Variants in FMN1 observed in about 807,000 individuals in gnomAD.
FMN1 encodes the protein formin 1.
FMN1 carries 110 observed loss-of-function variants against 132.4 expected under a neutral mutation model. That is an observed-to-expected ratio of 0.83 (90% CI 0.71 to 0.97). FMN1 has a LOEUF of 0.97. FMN1 is among the 50% of genes least tolerant of loss of function. The probability of loss-of-function intolerance (pLI) is 0.00; values close to 1 mark genes in which losing one functional copy is unlikely to be tolerated. For synonymous variants in FMN1, 722 were observed against 651.7 expected (o/e 1.11, Z -1.64); for missense variants, 1,792 against 1,705.3 (o/e 1.05, Z -0.90).
In FMN1 at chr15:33,039,440, A is replaced by T. The variant is rs1189687130; in HGVS notation, c.2161+25517T>A. ...TATGATAATTACTTGTTAAAAACAT[A>T]ATAGGTTATTGAGGAAACTTATTTT... On this transcript the variant is annotated intron_variant, in intron 6 of 20. Coordinates refer to ENST00000616417, the MANE Select transcript of FMN1 (RefSeq NM_001277313.2). 2.6e-5 allele frequency among the ~76,000 whole-genome samples: 4 copies of T among 152,204 alleles called. No homozygotes were observed. The East Asian group carries it at 7.7e-4, about 29-fold the overall frequency.
chr15:33,106,483 C>T (rs1413692131), intron 4 of FMN1, among the ~76,000 whole-genome samples: 1 of 151,944 alleles, frequency 6.6e-6, no homozygotes, highest in East Asian at 1.9e-4. Flanking sequence ...GATATATCCC[C>T]AAATTTTCAT....
chr15:33,121,806 T>C (rs775114626), intron 4 of FMN1, among the ~76,000 whole-genome samples: 1 of 152,170 alleles, frequency 6.6e-6, no homozygotes, highest in African/African-American at 2.4e-5. Flanking sequence ...GCTAGGATTA[T>C]AGGCGTGAGC....
At chr15:33,107,508 C>T (rs552476482) in intron 4 of FMN1, among the ~76,000 whole-genome samples, 1 of 151,930 alleles carries the variant, frequency 6.6e-6, no homozygotes, top group Admixed American at 6.6e-5. Flanking sequence ...CTCTCCCTTA[C>T]TTCATTCCAG....
chr15:33,060,875 G>A (rs188977675), intron 6 of FMN1, among the ~76,000 whole-genome samples: 4 of 152,096 alleles, frequency 2.6e-5, no homozygotes, highest in East Asian at 1.9e-4. Context: ...TTTTAATTCC[G>A]AAAACATTAA....
chr15:32,867,831 C>T (rs1433375051), intron 16 of FMN1, among the ~76,000 whole-genome samples: 1 of 152,138 alleles, frequency 6.6e-6, no homozygotes, highest in Non-Finnish European at 1.5e-5. Flanking sequence ...TGATGAGAGA[C>T]CCTCTGTTAC....
At chr15:32,859,275 G>A (rs2059209427) in intron 16 of FMN1, among the ~76,000 whole-genome samples, 1 of 152,090 alleles carries the variant, frequency 6.6e-6, no homozygotes, top group African/African-American at 2.4e-5. Flanking sequence ...ACTATTAATG[G>A]GTTCTCATCA....
intron 19 of FMN1, among the ~76,000 whole-genome samples, chr15:32,782,344 T>A (rs2056692640): frequency 6.6e-6 from 1 of 152,232 alleles, no homozygotes; most frequent in Non-Finnish European, 1.5e-5. Flanking sequence ...AAATGTTTAG[T>A]AAATAGTTAT....
intron 8 of FMN1, among the ~76,000 whole-genome samples, chr15:32,967,213 C>G (rs1343261888): frequency 6.6e-6 from 1 of 152,238 alleles, no homozygotes; most frequent in African/African-American, 2.4e-5. Context: ...CAATGATTGT[C>G]TCCAGCTTTC....
rs116366712 is a variant in FMN1, at chr15:33,073,690, G to A, written c.2044-8616C>T. Among the ~76,000 whole-genome samples the A allele has an allele frequency of 3.4e-3, 510 of 151,934 alleles. 6 individuals carry two copies. The highest frequency in any genetic ancestry group is 0.011 in the African/African-American group (473 of 41,426). ...TTTGGGTAGAATCCAGTTGTTGTAA[G>A]GTTGAATGGGACCTTAGAAATAGTA... On this transcript the variant is annotated intron_variant, in intron 5 of 20. Transcript: ENST00000616417.
rs773468293 is a variant in FMN1 at position 33,064,953 on chromosome 15, T to A, written c.2161+4A>T. 6.2e-7 allele frequency: 1 copy of A among 1,600,422 alleles called. No individual in the cohort carries two copies. ...CCCGGGTCCCTAGCTTCCTTTCACA[T>A]TACCTGCTTCAGTGTACTTCAGTCC... On this transcript the variant is annotated splice_donor_region_variant and intron_variant, in intron 6 of 20. Transcript: ENST00000616417.
chr15:32,844,223 G>T (rs1249995405), intron 17 of FMN1, among the ~76,000 whole-genome samples: 1 of 152,170 alleles, frequency 6.6e-6, no homozygotes, highest in Non-Finnish European at 1.5e-5. Flanking sequence ...CATTAAAGTT[G>T]TTAATTATAG....
At chr15:32,899,821 G>A in intron 14 of FMN1, 158 bp downstream of exon 14, 2 of 731,126 alleles carry the variant, frequency 2.7e-6, no homozygotes, top group Non-Finnish European at 4.5e-6. Flanking sequence ...TTATTCGAAA[G>A]TGAAAAGAAA....
At chr15:32,821,288 C>T (rs1442184654) in intron 17 of FMN1, among the ~76,000 whole-genome samples, 1 of 151,622 alleles carries the variant, frequency 6.6e-6, no homozygotes, top group Non-Finnish European at 1.5e-5. Flanking sequence ...TAGATTAATC[C>T]TCATATTTAT....
At chr15:32,862,796 C>T (rs750560604) in intron 16 of FMN1, among the ~76,000 whole-genome samples, 52 of 152,280 alleles carry the variant, frequency 3.4e-4, no homozygotes, top group Non-Finnish European at 6.6e-4. Context: ...GACCTGTGGG[C>T]TTAGTTAAGT....
At chr15:33,124,642 ATC>A (rs1022102587) in intron 4 of FMN1, among the ~76,000 whole-genome samples, 2 of 152,132 alleles carry the variant, frequency 1.3e-5, no homozygotes, top group Non-Finnish European at 2.9e-5. Context: ...GTATCTAATA[ATC>A]TGTGTTCTTT....
chr15:32,905,758 A>T (rs1422753532), intron 12 of FMN1, among the ~76,000 whole-genome samples: 2 of 152,252 alleles, frequency 1.3e-5, no homozygotes, highest in Non-Finnish European at 2.9e-5. Flanking sequence ...CCAGTATGTA[A>T]AACATGCTTA....
intron 5 of FMN1, among the ~76,000 whole-genome samples, chr15:33,086,166 G>T (rs1451598680): frequency 6.6e-6 from 1 of 151,310 alleles, no homozygotes; most frequent in Non-Finnish European, 1.5e-5. Context: ...CAGGAGAATC[G>T]CTTAAACCCA....
chr15:32,832,480 T>G (rs1477872542), intron 17 of FMN1, among the ~76,000 whole-genome samples: 1 of 152,020 alleles, frequency 6.6e-6, no homozygotes, highest in African/African-American at 2.4e-5. Context: ...ATGCTGTGAG[T>G]ATTTTCAAGG....
chr15:32,848,660 T>G (rs1433671389), intron 17 of FMN1, among the ~76,000 whole-genome samples: 1 of 152,038 alleles, frequency 6.6e-6, no homozygotes, highest in Non-Finnish European at 1.5e-5. Context: ...GGAGAAGCAA[T>G]GAATAGGAAG....
Sources: gnomAD v4.1 joint callset for allele counts (sites outside exome capture counted in the v4.1 genomes callset) on GRCh38, gnomAD v4.1.1 for gene constraint, MANE v1.5 for transcripts, NCBI Gene and HGNC (gene_info 2026-07-23, HGNC 2026-07-21) for gene names.